Variants in PELI2 observed in about 807,000 individuals in gnomAD.
PELI2 encodes pellino E3 ubiquitin protein ligase family member 2, also known as E3 ubiquitin-protein ligase pellino homolog 2.
A neutral mutation model predicts 42.3 loss-of-function variants in PELI2; 23 were observed. The observed-to-expected ratio is 0.54, with a 90% CI of 0.39 to 0.77. The LOEUF (loss-of-function observed/expected upper bound fraction) is 0.77. Among genes scored for constraint, PELI2 ranks in the 30% least tolerant of loss-of-function variants. The pLI is 0.00. For missense variants in PELI2, 463 were observed against 553.2 expected, an observed-to-expected ratio of 0.84 and a Z score of 1.64; for synonymous variants, 245 against 212.2, an observed-to-expected ratio of 1.15 and a Z score of -1.34.
chr14:56,288,523 A>T lies in PELI2; in HGVS notation c.396A>T (p.Thr132=). 1 of 1,614,122 alleles carries T rather than the reference A, an allele frequency of 6.2e-7. No individual in the cohort carries two copies. Among genetic ancestry groups the T allele is most frequent in the Non-Finnish European group, 8.5e-7 (1 of 1,179,980 alleles). ...GSQNTDEAQI[T]QSTISRFACR... ...AGAACACGGACGAAGCCCAGATCAC[A>T]CAGAGCACCATATCCAGGTTCGCCT... Residue 132 remains threonine (T), a synonymous_variant, in exon 4 of 6, where the codon ACA becomes ACT. Coordinates refer to ENST00000267460, the MANE Select transcript of PELI2 (RefSeq NM_021255.3). The surrounding 1 kb of genome is among the most constrained non-coding windows in gnomAD (Gnocchi z 4.6).
intron 2 of PELI2, among the ~76,000 whole-genome samples, chr14:56,240,332 G>C (rs1887928698): frequency 6.6e-6 from 1 of 152,120 alleles, no homozygotes; most frequent in Non-Finnish European, 1.5e-5. Flanking sequence ...GGACTCCAGA[G>C]ATGCGTAGGA....
At chr14:56,227,410 C>T (rs994957456) in intron 2 of PELI2, among the ~76,000 whole-genome samples, 7 of 152,140 alleles carry the variant, frequency 4.6e-5, no homozygotes, top group Non-Finnish European at 1.0e-4. Context: ...GATCAAATAC[C>T]TAAGTATATC....
Position 56,279,754 on chromosome 14 carries a change from G to T in PELI2, c.286G>T (p.Asp96Tyr), listed in dbSNP as rs773672384. The change falls in exon 3 of 6, where the codon GAT (aspartate) becomes TAT (tyrosine). Residue 96 changes from aspartate to tyrosine, a missense_variant. By Grantham distance (160) the Asp-to-Tyr change is radical. Transcript: ENST00000267460. The stretch of plus-strand genomic sequence containing the variant: ...GACTGTGGTGGTGGAGTACACACAT[G>T]ATAAGGATACGGATATGTTTCAGGT... Reference protein sequence around the residue: ...NQTVVVEYTHDKDTDMFQVGR... With the variant: ...NQTVVVEYTHYKDTDMFQVGR... 2 of 1,583,732 alleles carry T rather than the reference G, an allele frequency of 1.3e-6. No homozygotes were observed. The highest frequency in any genetic ancestry group is 1.7e-6 in the Non-Finnish European group (2 of 1,153,274).
At chr14:56,170,707 ATATG>A (rs1885134537) in intron 1 of PELI2, among the ~76,000 whole-genome samples, 1 of 152,218 alleles carries the variant, frequency 6.6e-6, no homozygotes, top group South Asian at 2.1e-4. Context: ...GTGAATTAAT[ATATG>A]AACTCTAAAC....
At position 56,290,301 on chromosome 14, in the gene PELI2, C is replaced by T; in HGVS notation, c.541C>T (p.His181Tyr). ...AGCAAAGTGGAAAAACCCCGACGGC[C>T]ACATGGATGGGCTCACTACTAATGG... Reference protein sequence around the residue: ...KAAKWKNPDGHMDGLTTNGVL... With the variant: ...KAAKWKNPDGYMDGLTTNGVL... Residue 181 changes from histidine to tyrosine, a missense_variant, in exon 5 of 6, where the codon CAC becomes TAC. Around this residue, in one of 3 missense-constraint regions of PELI2, gnomAD observed 343 missense variants for 378.4 expected, o/e 0.91. Transcript: ENST00000267460. The T allele has an allele frequency of 6.2e-7, 1 of 1,602,522 alleles. No homozygotes were observed. The highest frequency in any genetic ancestry group is 2.2e-5 in the East Asian group (1 of 44,584).
At chr14:56,223,813 C>T (rs902614204) in intron 2 of PELI2, among the ~76,000 whole-genome samples, 1 of 152,178 alleles carries the variant, frequency 6.6e-6, no homozygotes, top group Non-Finnish European at 1.5e-5. Flanking sequence ...ATTTAGGCAT[C>T]ATTCACTCTA....
At position 56,183,097 on chromosome 14, in the gene PELI2, C is replaced by T. The variant is rs548451345; in HGVS notation, c.207+4633C>T. ...ACTGCATTATAACTCTTGGATTGGT[C>T]GTGTGTGGTGTTTCATACTTAGAAG... is the stretch of plus-strand genomic sequence containing the variant. On this transcript the variant is annotated intron_variant, in intron 2 of 5. Transcript: ENST00000267460. 3.5e-4 allele frequency among the ~76,000 whole-genome samples: 53 copies of T among 151,946 alleles called. No individual in the cohort carries two copies. In the South Asian group the frequency reaches 0.011, roughly 31 times the overall value.
chr14:56,233,448 C>G (rs1209998434), intron 2 of PELI2, among the ~76,000 whole-genome samples: 1 of 152,110 alleles, frequency 6.6e-6, no homozygotes, highest in South Asian at 2.1e-4. Context: ...AGAAGTAATA[C>G]CACACATCTA....
intron 2 of PELI2, among the ~76,000 whole-genome samples, chr14:56,262,650 G>A (rs76228841): frequency 0.012 from 1,782 of 152,154 alleles, 37 homozygotes; most frequent in African/African-American, 0.041. Context: ...CTCTTTGGCC[G>A]ATTTGTAAGG....
chr14:56,259,591 C>T (rs942568608), intron 2 of PELI2, among the ~76,000 whole-genome samples: 9 of 152,028 alleles, frequency 5.9e-5, no homozygotes, highest in Non-Finnish European at 8.8e-5. Flanking sequence ...ATAAGTTAAA[C>T]GTTCATTATA....
intron 1 of PELI2, 76 bp downstream of exon 1, chr14:56,118,813 G>T: frequency 9.8e-7 from 1 of 1,025,458 alleles, no homozygotes; most frequent in South Asian, 1.7e-5. Flanking sequence ...GGCTGGCGGG[G>T]TGGCTCGGTG....
intron 1 of PELI2, among the ~76,000 whole-genome samples, chr14:56,126,049 C>G (rs1207481020): frequency 1.3e-5 from 2 of 152,220 alleles, no homozygotes; most frequent in East Asian, 1.9e-4. Flanking sequence ...CCCTGAGAAA[C>G]TAAACATGTG....
intron 1 of PELI2, among the ~76,000 whole-genome samples, chr14:56,170,975 A>G (rs1327132813): frequency 1.3e-5 from 2 of 152,246 alleles, no homozygotes; most frequent in African/African-American, 4.8e-5. Context: ...CAGGTGTGGC[A>G]GCAGCACTCG....
chr14:56,154,234 A>C (rs11624380), intron 1 of PELI2, among the ~76,000 whole-genome samples: 33,728 of 152,138 alleles, frequency 0.22, 4,605 homozygotes, highest in Admixed American at 0.33. Flanking sequence ...TTTCATTGGT[A>C]TTAAGAATTT....
In PELI2 at chr14:56,290,468, T is replaced by C. The variant is rs1386195443; in HGVS notation, c.696+12T>C. 6.4e-7 allele frequency: 1 copy of C among 1,569,700 alleles called. No individual in the cohort carries two copies. Among genetic ancestry groups the C allele is most frequent in the Non-Finnish European group, 8.7e-7 (1 of 1,151,866 alleles). On this transcript the variant is annotated intron_variant, in intron 5 of 5. Transcript: ENST00000267460. Reference sequence around the variant, plus strand: ...AACGAGGAAAGCTGGTGAGTGTGCTTCACTCTGCAAGTGTGAAGTACGAAA... The same window carrying C: ...AACGAGGAAAGCTGGTGAGTGTGCTCCACTCTGCAAGTGTGAAGTACGAAA...
chr14:56,235,123 A>ATTATT (rs1887742692), intron 2 of PELI2, among the ~76,000 whole-genome samples: 2 of 152,218 alleles, frequency 1.3e-5, no homozygotes, highest in African/African-American at 2.4e-5. Context: ...AGCTTGGTGC[A>ATTATT]AAGGTAATTG....
At chr14:56,157,063 C>G (rs2139632464) in intron 1 of PELI2, among the ~76,000 whole-genome samples, 1 of 152,260 alleles carries the variant, frequency 6.6e-6, no homozygotes, top group Non-Finnish European at 1.5e-5. Flanking sequence ...GTGATAATTG[C>G]CAAGTTATTG....
In PELI2 at chr14:56,252,727, C is replaced by T. The variant is rs965319329; in HGVS notation, c.208-26949C>T. ...GAGGCAGTAATTAATATCCTACCAA[C>T]CAAAAAAAGCCCAGGACCAGATGGA... On this transcript the variant is annotated intron_variant, in intron 2 of 5. Transcript: ENST00000267460. Among the ~76,000 whole-genome samples the T allele has an allele frequency of 5.3e-5, 8 of 152,012 alleles. No homozygotes were observed. The East Asian group carries it at 5.8e-4, about 11-fold the overall frequency.
chr14:56,210,947 GT>G (rs1886692807), intron 2 of PELI2, among the ~76,000 whole-genome samples: 1 of 152,142 alleles, frequency 6.6e-6, no homozygotes, highest in Non-Finnish European at 1.5e-5. Context: ...AACTTTTGCT[GT>G]TCCTTTTGGT....
Sources: allele counts gnomAD v4.1 joint callset (sites outside exome capture counted in the v4.1 genomes callset), GRCh38; gene constraint gnomAD v4.1.1; regional missense constraint gnomAD v4.1.1; non-coding constraint Gnocchi (gnomAD v3.1); transcripts MANE v1.5; gene names NCBI Gene and HGNC (gene_info 2026-07-23, HGNC 2026-07-21).